The following KCNG3 variants were observed in gnomAD, a reference collection of about 807,000 sequenced individuals.
KCNG3 encodes potassium voltage-gated channel modifier subfamily G member 3, also known as voltage-gated potassium channel regulatory subunit KCNG3.
KCNG3 carries 15 observed loss-of-function variants against 29.0 expected under a neutral mutation model. The ratio of observed to expected loss-of-function variants is 0.52; its 90% CI spans 0.35 to 0.80. KCNG3 has a LOEUF of 0.80. Ranked by LOEUF, KCNG3 falls within the 30% of genes least tolerant of loss-of-function variation. KCNG3 has a pLI of 0.01. For synonymous variants in KCNG3, 322 were observed against 248.9 expected (o/e 1.29, Z -2.76); for missense variants, 512 against 605.7 (o/e 0.85, Z 1.62).
rs536867762 is a variant in KCNG3 at position 42,451,036 on chromosome 2, C to T, written c.666-6457G>A. Among the ~76,000 whole-genome samples, 73 of 151,628 alleles carry T rather than the reference C, an allele frequency of 4.8e-4. 1 individual carries two copies. The South Asian group carries it at 5.4e-3, about 11-fold the overall frequency. The stretch of plus-strand genomic sequence containing the variant: ...CCTGGCCAACATGGTGAAACCCTGT[C>T]TCTCCCAAAAATACAAAAATTAGCT... On this transcript the variant is annotated intron_variant, in intron 1 of 1. Transcript: ENST00000306078.
chr2:42,466,600 G>A (rs191026595), intron 1 of KCNG3, among the ~76,000 whole-genome samples: 61 of 152,132 alleles, frequency 4.0e-4, no homozygotes, highest in African/African-American at 1.3e-3. Flanking sequence ...TCTCTATGAC[G>A]TTCACAGAGC....
intron 1 of KCNG3, among the ~76,000 whole-genome samples, chr2:42,481,322 C>G (rs535113584): frequency 3.0e-4 from 46 of 152,134 alleles, no homozygotes; most frequent in Non-Finnish European, 4.9e-4. Flanking sequence ...TCAACAGGAC[C>G]TTTAGCTGCC....
At chr2:42,467,419 G>T (rs1224690176) in intron 1 of KCNG3, among the ~76,000 whole-genome samples, 1 of 152,186 alleles carries the variant, frequency 6.6e-6, no homozygotes, top group Non-Finnish European at 1.5e-5. Flanking sequence ...TGTAATCCCA[G>T]CACTTTGGGA....
intron 1 of KCNG3, among the ~76,000 whole-genome samples, chr2:42,457,305 C>T (rs1367083436): frequency 2.0e-5 from 3 of 147,968 alleles, no homozygotes; most frequent in Non-Finnish European, 3.0e-5. Context: ...GGCAACGTGA[C>T]GAAACTCCAT....
chr2:42,463,837 C>A, intron 1 of KCNG3: 1 of 246,906 alleles, frequency 4.1e-6, no homozygotes, highest in South Asian at 4.5e-5. Context: ...GGCTGCCAGT[C>A]ACTTTGGTGG....
chr2:42,482,509 G>C (rs570048621), intron 1 of KCNG3, among the ~76,000 whole-genome samples: 16 of 152,240 alleles, frequency 1.1e-4, no homozygotes, highest in African/African-American at 3.4e-4. Flanking sequence ...TGGATCACAA[G>C]GTCAGGAGTT....
At chr2:42,435,716 C>T in the KCNG3 span, among the ~76,000 whole-genome samples, 30 of 152,150 alleles carry the variant, frequency 2.0e-4, no homozygotes, top group African/African-American at 6.0e-4. Context: ...CCCACTGTGA[C>T]GGCTATTATT....
chr2:42,479,165 T>C (rs1673515827), intron 1 of KCNG3, among the ~76,000 whole-genome samples: 2 of 152,072 alleles, frequency 1.3e-5, no homozygotes, highest in Admixed American at 6.6e-5. Context: ...TGATCACACA[T>C]TGCCTCCCCA....
At chr2:42,390,028 C>A in the KCNG3 span, among the ~76,000 whole-genome samples, 2 of 152,192 alleles carry the variant, frequency 1.3e-5, no homozygotes, top group Admixed American at 6.5e-5. Flanking sequence ...TTACTGCCCC[C>A]ACCCTAACTT....
chr2:42,421,651 G>C, the KCNG3 span, among the ~76,000 whole-genome samples: 1 of 152,064 alleles, frequency 6.6e-6, no homozygotes, highest in African/African-American at 2.4e-5. Flanking sequence ...GGCCAGCTGT[G>C]GGCCCCATAC....
chr2:42,466,041 A>G (rs1333022932), intron 1 of KCNG3, among the ~76,000 whole-genome samples: 1 of 152,218 alleles, frequency 6.6e-6, no homozygotes, highest in African/African-American at 2.4e-5. Flanking sequence ...TGGATCGTAT[A>G]TATGACAGTA....
rs150020279 is a variant in KCNG3, at chr2:42,456,227, C to T, written c.666-11648G>A. Reference sequence around the variant, plus strand: ...AGACTGCAATCATTTTTTAGCCTCTCCAAAAATAATATGGCTAGGTGCAGT... The same window carrying T: ...AGACTGCAATCATTTTTTAGCCTCTTCAAAAATAATATGGCTAGGTGCAGT... On this transcript the variant is annotated intron_variant, in intron 1 of 1. Transcript: ENST00000306078. Among the ~76,000 whole-genome samples, 978 of 152,112 alleles carry T rather than the reference C, an allele frequency of 6.4e-3. 15 individuals carry two copies. The highest frequency in any genetic ancestry group is 0.023 in the African/African-American group (937 of 41,510).
the KCNG3 span, among the ~76,000 whole-genome samples, chr2:42,417,861 A>G: frequency 3.9e-5 from 6 of 151,936 alleles, no homozygotes; most frequent in African/African-American, 1.4e-4. Context: ...AGTCCCAGCT[A>G]CTTGGGAGGC....
the KCNG3 span, among the ~76,000 whole-genome samples, chr2:42,407,230 T>A: frequency 6.7e-6 from 1 of 148,654 alleles, no homozygotes; most frequent in Non-Finnish European, 1.5e-5. Flanking sequence ...CAGGCTGGAG[T>A]GCAGTGGTGC....
At chr2:42,421,309 T>C in the KCNG3 span, among the ~76,000 whole-genome samples, 3 of 152,250 alleles carry the variant, frequency 2.0e-5, no homozygotes, top group African/African-American at 7.2e-5. Context: ...GCATTTATAA[T>C]TCAGAAGTGA....
In KCNG3 at chr2:42,453,469, C is replaced by T. The variant is rs546437672; in HGVS notation, c.666-8890G>A. Among the ~76,000 whole-genome samples the T allele has an allele frequency of 3.3e-5, 5 of 152,288 alleles. No individual in the cohort carries two copies. In the South Asian group the frequency reaches 1.0e-3, roughly 32 times the overall value. ...ATCATCAATGAGGCTGAGCACGCAC[C>T]TTTTCCATATACCTGTTTGCCATTC... On this transcript the variant is annotated intron_variant, in intron 1 of 1. Coordinates refer to ENST00000306078, the MANE Select transcript of KCNG3 (RefSeq NM_133329.6).
the KCNG3 span, chr2:42,388,587 C>T: frequency 6.6e-6 from 1 of 152,216 alleles, no homozygotes; most frequent in East Asian, 1.9e-4. Context: ...TGTGTGCTCA[C>T]ATGGCTTTTC....
the KCNG3 span, among the ~76,000 whole-genome samples, chr2:42,425,546 C>T: frequency 1.3e-5 from 2 of 151,814 alleles, no homozygotes; most frequent in Non-Finnish European, 2.9e-5. Flanking sequence ...GAACTGAAAG[C>T]GGCTGGCAGG....
At chr2:42,414,604 A>T in the KCNG3 span, among the ~76,000 whole-genome samples, 1 of 151,488 alleles carries the variant, frequency 6.6e-6, no homozygotes, top group Non-Finnish European at 1.5e-5. Context: ...AGTGGTTTCA[A>T]CCTGACAATT....
Sources: gnomAD v4.1 joint callset for allele counts (sites outside exome capture counted in the v4.1 genomes callset) on GRCh38, gnomAD v4.1.1 for gene constraint, MANE v1.5 for transcripts, NCBI Gene and HGNC (gene_info 2026-07-23, HGNC 2026-07-21) for gene names.